DUSP4: variants seen among roughly 807,000 people sequenced by gnomAD.
DUSP4 encodes the protein dual specificity protein phosphatase 4.
Under a neutral mutation model 27.2 loss-of-function variants are expected in DUSP4, and 12 were observed. That is an observed-to-expected ratio of 0.44 (90% CI 0.28 to 0.71). The LOEUF (loss-of-function observed/expected upper bound fraction) is 0.71. Ranked by LOEUF, DUSP4 falls within the 30% of genes least tolerant of loss-of-function variation. The pLI is 0.14. For missense variants in DUSP4, 448 were observed against 551.3 expected (o/e 0.81, Z 1.88); for synonymous variants, 257 against 245.2 (o/e 1.05, Z -0.45).
rs1817532304 is a variant in DUSP4 at position 29,333,858 on chromosome 8, T to A, written c.*3168A>T. The A allele has an allele frequency of 6.6e-6, 1 of 152,238 alleles. No homozygotes were observed. Among genetic ancestry groups the A allele is most frequent in the South Asian group, 2.1e-4 (1 of 4,830 alleles). The allele number at this position is 152,238 out of a possible 1,614,324, so 9.4% of individuals were successfully genotyped here. A position where few individuals can be genotyped will look rare whatever the true frequency, so the allele number is the denominator to read the frequency against. On this transcript the variant is annotated 3_prime_UTR_variant, in exon 4 of 4. Transcript: ENST00000240100. ...TGGCCAATTCCCAATCTCCAGCCTC[T>A]TCCTGTCATGTTGGAGTCAACTATC...
At chr8:29,348,826 G>A (rs1817778043) in intron 1 of DUSP4, 1 of 984,612 alleles carries the variant, frequency 1.0e-6, no homozygotes, top group Non-Finnish European at 1.2e-6. Flanking sequence ...CGGAAGCGCA[G>A]ACCCTACCCG....
At chr8:29,349,088 G>A (rs1475982880) in intron 1 of DUSP4, among the ~76,000 whole-genome samples, 1 of 152,304 alleles carries the variant, frequency 6.6e-6, no homozygotes, top group African/African-American at 2.4e-5. Flanking sequence ...AATCCGGCAC[G>A]CGCCGCCATC....
intron 1 of DUSP4, chr8:29,348,181 G>C: frequency 4.1e-6 from 4 of 985,616 alleles, no homozygotes; most frequent in Non-Finnish European, 4.8e-6. Flanking sequence ...AGGCGCGCCC[G>C]CGCTCTCCAT....
chr8:29,350,470 T>C lies in DUSP4; in HGVS notation c.-192A>G. The C allele has an allele frequency of 5.8e-6, 4 of 689,824 alleles. No individual in the cohort carries two copies. Among genetic ancestry groups the C allele is most frequent in the Non-Finnish European group, 9.1e-6 (4 of 441,368 alleles). 42.7% of individuals were successfully genotyped at this position (689,824 alleles called of 1,614,324 possible). ...TTCCTCCCGCAGCCTCGCGGTCACA[T>C]AGCAGTCGGAGCGGCCTCGGGCGCC... is the stretch of plus-strand genomic sequence containing the variant. On this transcript the variant is annotated 5_prime_UTR_variant, in exon 1 of 4. An upstream start codon of the reference 5' UTR is lost. Transcript: ENST00000240100.
At chr8:29,347,914 G>A (rs1817758402) in intron 1 of DUSP4, 3 of 985,376 alleles carry the variant, frequency 3.0e-6, no homozygotes, top group Non-Finnish European at 3.6e-6. Context: ...ACGAGGGACA[G>A]GGAAATGCCG....
rs77273816 is a variant in DUSP4, at chr8:29,341,270, G to A, written c.434-1027C>T. On this transcript the variant is annotated intron_variant, in intron 1 of 3. Transcript: ENST00000240100. ...TTCAACTGACTCCAATGACAATTTG[G>A]CCAACAGTCCTGGATGTCGCTACCT... Among the ~76,000 whole-genome samples, 23 of 152,326 alleles carry A rather than the reference G, an allele frequency of 1.5e-4. No individual in the cohort carries two copies. The East Asian group carries it at 4.2e-3, about 28-fold the overall frequency.
At chr8:29,345,008 A>C (rs1385455853) in intron 1 of DUSP4, among the ~76,000 whole-genome samples, 1 of 152,158 alleles carries the variant, frequency 6.6e-6, no homozygotes, top group South Asian at 2.1e-4. Context: ...CGCCCGGCTA[A>C]TTTTTGCATT....
At chr8:29,338,687 A>ACTT (rs1167307343) in intron 2 of DUSP4, among the ~76,000 whole-genome samples, 186 bp from the exon 3 acceptor site, 2 of 152,116 alleles carry the variant, frequency 1.3e-5, no homozygotes, top group Non-Finnish European at 2.9e-5. Flanking sequence ...GCCCAGTGGG[A>ACTT]CTTCTCCAGC....
At chr8:29,342,815 AG>A (rs772922752) in intron 1 of DUSP4, among the ~76,000 whole-genome samples, 15 of 152,248 alleles carry the variant, frequency 9.9e-5, no homozygotes, top group Non-Finnish European at 2.1e-4. Context: ...AGAAGGCAGC[AG>A]AAAAATGATT....
intron 2 of DUSP4, 44 bp downstream of exon 2, chr8:29,340,054 G>A (rs757698111): frequency 6.1e-5 from 95 of 1,545,514 alleles, no homozygotes; most frequent in Middle Eastern, 2.2e-4. Flanking sequence ...TGGCCCCTAC[G>A]CTGTTCCTGC....
chr8:29,350,216 C>T lies in DUSP4; in HGVS notation c.63G>A (p.Arg21=). 13 of 1,608,768 alleles carry T rather than the reference C, an allele frequency of 8.1e-6. No homozygotes were observed. The highest frequency in any genetic ancestry group is 1.1e-5 in the Non-Finnish European group (13 of 1,177,788). Residue 21 remains arginine (R), a synonymous_variant, in exon 1 of 4, where the codon CGG becomes CGA. Transcript: ENST00000240100. ...DCSVLKRLMN[R]DENGGGAGGS... ...CGCCCGCGCCGCCGCCATTCTCGTCCCGGTTCATCAGCCTTTTGAGCACAC... is the reference window on the plus strand; with the variant it reads ...CGCCCGCGCCGCCGCCATTCTCGTCTCGGTTCATCAGCCTTTTGAGCACAC...
At chr8:29,347,916 G>A (rs1817758448) in intron 1 of DUSP4, 4 of 985,498 alleles carry the variant, frequency 4.1e-6, no homozygotes, top group Non-Finnish European at 3.6e-6. Flanking sequence ...GAGGGACAGG[G>A]AAATGCCGCG....
chr8:29,345,741 C>T, intron 1 of DUSP4: 2 of 1,334,510 alleles, frequency 1.5e-6, no homozygotes, highest in Non-Finnish European at 1.9e-6. Context: ...TTGTGACGGT[C>T]TAAAGGGTCA....
chr8:29,350,550 T>C lies in DUSP4; in HGVS notation c.-272A>G. Reference sequence around the variant, plus strand: ...AGGCGCCGGTGGAGGAGAGTGTGTTTACGAGAGAGGACCGCGGACTCTTTT... The same window carrying C: ...AGGCGCCGGTGGAGGAGAGTGTGTTCACGAGAGAGGACCGCGGACTCTTTT... On this transcript the variant is annotated 5_prime_UTR_variant, in exon 1 of 4. Transcript: ENST00000240100. 2.2e-6 allele frequency: 1 copy of C among 456,178 alleles called. No homozygotes were observed. 28.3% of individuals were successfully genotyped at this position (456,178 alleles called of 1,614,324 possible).
chr8:29,338,098 T>A (rs1320894680), intron 3 of DUSP4, among the ~76,000 whole-genome samples, 184 bp downstream of exon 3: 1 of 152,086 alleles, frequency 6.6e-6, no homozygotes, highest in Non-Finnish European at 1.5e-5. Context: ...TGTGTGTAGG[T>A]CCATCTTCCC....
intron 1 of DUSP4, chr8:29,345,459 C>T: frequency 6.2e-7 from 1 of 1,613,832 alleles, no homozygotes; most frequent in South Asian, 1.1e-5. Flanking sequence ...TTTGCAGTCT[C>T]TCCCAGTCCT....
chr8:29,340,875 T>G lies in DUSP4; in HGVS notation c.434-632A>C, dbSNP rs192043666. 3.9e-5 allele frequency among the ~76,000 whole-genome samples: 6 copies of G among 152,218 alleles called. No individual in the cohort carries two copies. The East Asian group carries it at 1.2e-3, about 29-fold the overall frequency. On this transcript the variant is annotated intron_variant, in intron 1 of 3. Transcript: ENST00000240100. ...GAGTATTTCCTGACCTGAGAGTGGG[T>G]AAGCCCTGGAATGGTTATCTGTGGG...
At position 29,337,106 on chromosome 8, in the gene DUSP4, G is replaced by A; in HGVS notation, c.1105C>T (p.Pro369Ser). The change falls in exon 4 of 4, where the codon CCG becomes TCG. Residue 369 changes from proline to serine, a missense_variant. Physicochemically the swap from Pro to Ser is moderately conservative, Grantham distance 74. This residue lies in a region of DUSP4 where 100 missense variants were observed against 139.8 expected (regional missense o/e 0.72). Transcript: ENST00000240100. This position sits in a 1 kb window ranked among gnomAD's most constrained non-coding sequence, Gnocchi z 6.4. ...GCCGAGTGCACGCCCACGGAGACCG[G>A]AAAGCTGAAGACGAACTGCGAGGTG... The part of the protein sequence containing the change: ...TPTSQFVFSF[P>S]VSVGVHSAPS... 1 of 1,610,538 alleles carries A rather than the reference G, an allele frequency of 6.2e-7. No individual in the cohort carries two copies. Among genetic ancestry groups the A allele is most frequent in the Non-Finnish European group, 8.5e-7 (1 of 1,178,506 alleles).
chr8:29,348,714 G>A, intron 1 of DUSP4: 1 of 985,638 alleles, frequency 1.0e-6, no homozygotes. Context: ...GGTCGGAAGA[G>A]GAGCGGAAAG....
Sources: allele counts gnomAD v4.1 joint callset (sites outside exome capture counted in the v4.1 genomes callset), GRCh38; gene constraint gnomAD v4.1.1; regional missense constraint gnomAD v4.1.1; non-coding constraint Gnocchi (gnomAD v3.1); transcripts MANE v1.5; gene names NCBI Gene and HGNC (gene_info 2026-07-23, HGNC 2026-07-21).